The following ARHGEF3 variants were observed in gnomAD, a reference collection of about 807,000 sequenced individuals.
ARHGEF3 encodes 59.8 kDA protein.
ARHGEF3 carries 28 observed loss-of-function variants against 63.2 expected under a neutral mutation model. The ratio of observed to expected loss-of-function variants is 0.44; its 90% confidence interval spans 0.33 to 0.61. The LOEUF is 0.61. ARHGEF3 is among the 20% of genes least tolerant of loss of function. The pLI, the probability that ARHGEF3 is intolerant of heterozygous loss-of-function variation, is 0.03. For synonymous variants in ARHGEF3, 266 were observed against 254.2 expected (o/e 1.05, Z -0.44); for missense variants, 533 against 659.3 (o/e 0.81, Z 2.10).
intron 1 of ARHGEF3, among the ~76,000 whole-genome samples, chr3:57,035,965 G>A (rs75249756): frequency 0.017 from 2,542 of 152,266 alleles, 74 homozygotes; most frequent in African/African-American, 0.058. Flanking sequence ...GGTTTTATGG[G>A]TTGTGAACTG....
At chr3:56,825,348 C>T (rs1478386032) in intron 4 of ARHGEF3, among the ~76,000 whole-genome samples, 2 of 152,210 alleles carry the variant, frequency 1.3e-5, no homozygotes, top group Non-Finnish European at 2.9e-5. Flanking sequence ...TCTAAAATGA[C>T]GTTCACAAAA....
At chr3:56,761,328 G>C (rs145372083) in intron 2 of ARHGEF3, among the ~76,000 whole-genome samples, 299 of 152,100 alleles carry the variant, frequency 2.0e-3, no homozygotes, top group Non-Finnish European at 3.5e-3. Context: ...GGGAGGAACA[G>C]GCAACTACTA....
chr3:56,870,286 G>A (rs150003269), intron 4 of ARHGEF3, among the ~76,000 whole-genome samples: 1 of 152,148 alleles, frequency 6.6e-6, no homozygotes, highest in East Asian at 1.9e-4. Flanking sequence ...ATTTTTCAGT[G>A]ATAAAAAAGT....
At chr3:57,022,289 C>CAGG (rs1233690417) in intron 2 of ARHGEF3, among the ~76,000 whole-genome samples, 1 of 149,744 alleles carries the variant, frequency 6.7e-6, no homozygotes, top group African/African-American at 2.5e-5. Context: ...TGGGGAAGCC[C>CAGG]AGGAGGTCCC....
chr3:56,989,675 C>A (rs1560111231), intron 2 of ARHGEF3, among the ~76,000 whole-genome samples: 1 of 151,990 alleles, frequency 6.6e-6, no homozygotes. Context: ...CTGCTGCCTC[C>A]CCACAGCTGG....
rs1388764733 is a variant in ARHGEF3 at position 57,078,370 on chromosome 3, G to A, written c.-28+856C>T. On this transcript the variant is annotated intron_variant, in intron 1 of 12. Transcript: ENST00000338458. ...TCGCCCAGTGCGGGAAGCAAGCCTG[G>A]GCCAGGCAATAAATCCAGCAAGCCG... Among the ~76,000 whole-genome samples, 4 of 152,360 alleles carry A rather than the reference G, an allele frequency of 2.6e-5. No homozygotes were observed. In the East Asian group the frequency reaches 7.7e-4, roughly 29 times the overall value.
At chr3:56,918,507 A>G (rs1436151419) in intron 3 of ARHGEF3, among the ~76,000 whole-genome samples, 2 of 152,238 alleles carry the variant, frequency 1.3e-5, no homozygotes, top group Non-Finnish European at 2.9e-5. Context: ...GCTCCAGGGC[A>G]GGTAGCAGTG....
At chr3:57,078,386 C>G (rs1053648367) in intron 1 of ARHGEF3, among the ~76,000 whole-genome samples, 1 of 152,234 alleles carries the variant, frequency 6.6e-6, no homozygotes, top group Admixed American at 6.5e-5. Context: ...GCAATAAATC[C>G]AGCAAGCCGA....
chr3:56,967,113 T>C (rs1342264158), intron 2 of ARHGEF3, among the ~76,000 whole-genome samples: 1 of 148,212 alleles, frequency 6.7e-6, no homozygotes, highest in East Asian at 1.9e-4. Flanking sequence ...TCTGCCTGCC[T>C]CGGCCTCCGA....
chr3:56,854,354 A>G (rs2039795123), intron 4 of ARHGEF3, among the ~76,000 whole-genome samples: 2 of 152,196 alleles, frequency 1.3e-5, no homozygotes, highest in Non-Finnish European at 2.9e-5. Flanking sequence ...CAATGGAGAA[A>G]GACACAAGCA....
intron 2 of ARHGEF3, among the ~76,000 whole-genome samples, chr3:56,762,823 T>C (rs1321598466): frequency 6.6e-6 from 1 of 152,170 alleles, no homozygotes; most frequent in Non-Finnish European, 1.5e-5. Flanking sequence ...ACAGCAATAA[T>C]GGCCAGGACA....
At chr3:56,807,244 T>G (rs908970932) in intron 4 of ARHGEF3, among the ~76,000 whole-genome samples, 3 of 152,204 alleles carry the variant, frequency 2.0e-5, no homozygotes, top group Admixed American at 6.5e-5. Context: ...TATCAAATAA[T>G]TAATGAATGC....
intron 2 of ARHGEF3, among the ~76,000 whole-genome samples, chr3:56,992,392 A>C (rs990620212): frequency 0.031 from 3,461 of 112,938 alleles, 248 homozygotes; most frequent in African/African-American, 0.14. Flanking sequence ...AAAAAAAAAA[A>C]AAAAAAAAAA....
intron 2 of ARHGEF3, among the ~76,000 whole-genome samples, chr3:57,028,540 G>T (rs1434879442): frequency 2.2e-4 from 22 of 101,036 alleles, no homozygotes; most frequent in Non-Finnish European, 3.8e-4. Context: ...TGGGGACTGT[G>T]GTGGGGTGGG....
chr3:56,820,680 A>G (rs1240353647), intron 4 of ARHGEF3, among the ~76,000 whole-genome samples: 1 of 152,118 alleles, frequency 6.6e-6, no homozygotes, highest in Admixed American at 6.6e-5. Context: ...CCATGTTGGG[A>G]TACTGATTCA....
chr3:56,824,571 C>T (rs2038642464), intron 4 of ARHGEF3, among the ~76,000 whole-genome samples: 1 of 152,168 alleles, frequency 6.6e-6, no homozygotes, highest in African/African-American at 2.4e-5. Flanking sequence ...CCCAAATTTG[C>T]TTAAAAGCCT....
At chr3:56,945,683 G>A (rs1479572714) in intron 3 of ARHGEF3, among the ~76,000 whole-genome samples, 1 of 152,224 alleles carries the variant, frequency 6.6e-6, no homozygotes. Flanking sequence ...GCCTGCCTCT[G>A]TAGACTCCAC....
intron 2 of ARHGEF3, among the ~76,000 whole-genome samples, chr3:57,010,040 G>T (rs977237290): frequency 1.3e-5 from 2 of 152,146 alleles, no homozygotes; most frequent in Admixed American, 1.3e-4. Flanking sequence ...TTCTGAGCCC[G>T]GGCTTCTGAC....
chr3:57,045,814 T>C (rs931789762), intron 1 of ARHGEF3, among the ~76,000 whole-genome samples: 5 of 152,192 alleles, frequency 3.3e-5, no homozygotes, highest in Admixed American at 6.5e-5. Context: ...GTTTTTCTAA[T>C]TGAGGTTAAA....
Sources: allele counts gnomAD v4.1 joint callset (sites outside exome capture counted in the v4.1 genomes callset), GRCh38; gene constraint gnomAD v4.1.1; transcripts MANE v1.5; gene names NCBI Gene and HGNC (gene_info 2026-07-23, HGNC 2026-07-21).